KCNIP4: variants seen among roughly 807,000 people sequenced by gnomAD.
KCNIP4 encodes potassium voltage-gated channel interacting protein 4.
Under a neutral mutation model 34.0 loss-of-function variants are expected in KCNIP4, and 12 were observed. The ratio of observed to expected loss-of-function variants is 0.35; its 90% CI spans 0.23 to 0.57. KCNIP4 has a LOEUF of 0.57. Among genes scored for constraint, KCNIP4 ranks in the 20% least tolerant of loss-of-function variants. KCNIP4 has a pLI of 0.83. For missense variants in KCNIP4, 238 were observed against 311.7 expected (o/e 0.76, Z 1.78); for synonymous variants, 124 against 102.2 (o/e 1.21, Z -1.29).
chr4:21,304,412 ACT>A (rs956812193), intron 1 of KCNIP4: 4 of 152,316 alleles, frequency 2.6e-5, no homozygotes, highest in Admixed American at 2.6e-4. Context: ...GCGCCCCGGG[ACT>A]CTGCGCGCCG....
rs117354418 is a variant in KCNIP4, at chr4:21,755,633, T to C, written c.61+192938A>G. On this transcript the variant is annotated intron_variant, in intron 1 of 8. Transcript: ENST00000382152. ...AGGAGGTATAGTGGCACCCATACAT[T>C]TATTTAGACATAACTAATGGACTTC... Among the ~76,000 whole-genome samples the C allele has an allele frequency of 1.1e-4, 17 of 152,244 alleles. 1 individual carries two copies. In the East Asian group the frequency reaches 3.3e-3, roughly 29 times the overall value.
intron 1 of KCNIP4, among the ~76,000 whole-genome samples, chr4:21,269,569 C>G (rs1055807902): frequency 1.3e-5 from 2 of 151,942 alleles, no homozygotes; most frequent in Admixed American, 6.6e-5. Flanking sequence ...CCATGCCCAG[C>G]TAATTTTTGT....
chr4:21,426,485 A>G (rs1725939681), intron 1 of KCNIP4, among the ~76,000 whole-genome samples: 2 of 152,240 alleles, frequency 1.3e-5, no homozygotes. Flanking sequence ...TATTTAGACT[A>G]CACAGAAAGG....
chr4:21,381,653 T>G (rs1484231875), intron 1 of KCNIP4, among the ~76,000 whole-genome samples: 1 of 152,202 alleles, frequency 6.6e-6, no homozygotes, highest in Admixed American at 6.6e-5. Context: ...AAAAGCCAAC[T>G]TGGGCTTCAT....
At chr4:21,526,197 T>G (rs1378987538) in intron 1 of KCNIP4, among the ~76,000 whole-genome samples, 2 of 152,160 alleles carry the variant, frequency 1.3e-5, no homozygotes, top group Non-Finnish European at 2.9e-5. Context: ...ACATGGACCC[T>G]GTGGTAGGTA....
intron 1 of KCNIP4, among the ~76,000 whole-genome samples, chr4:21,501,397 T>C (rs908474635): frequency 6.6e-5 from 10 of 151,892 alleles, no homozygotes; most frequent in Admixed American, 6.6e-4. Flanking sequence ...TACTACCCTC[T>C]TACCTTTCAT....
chr4:21,457,734 C>T (rs1187326912), intron 1 of KCNIP4, among the ~76,000 whole-genome samples: 1 of 152,022 alleles, frequency 6.6e-6, no homozygotes, highest in Non-Finnish European at 1.5e-5. Flanking sequence ...AGTCCCAGAA[C>T]AGGGTCACTA....
chr4:21,144,871 A>G (rs1212243356), intron 1 of KCNIP4, among the ~76,000 whole-genome samples: 1 of 152,068 alleles, frequency 6.6e-6, no homozygotes. Flanking sequence ...TTCTGCTACT[A>G]TCATCTGAGT....
At chr4:21,494,498 A>G (rs28558494) in intron 1 of KCNIP4, among the ~76,000 whole-genome samples, 5,749 of 152,114 alleles carry the variant, frequency 0.038, 325 homozygotes, top group African/African-American at 0.12. Flanking sequence ...TAAGGTGCTG[A>G]GTGCGGTGGC....
chr4:21,204,689 A>T (rs1282710797), intron 1 of KCNIP4, among the ~76,000 whole-genome samples: 1 of 152,236 alleles, frequency 6.6e-6, no homozygotes, highest in East Asian at 1.9e-4. Flanking sequence ...TTTAAATATG[A>T]TAAAGTATAC....
chr4:21,046,481 G>A (rs1253030968), intron 1 of KCNIP4, among the ~76,000 whole-genome samples: 1 of 152,124 alleles, frequency 6.6e-6, no homozygotes, highest in Non-Finnish European at 1.5e-5. Context: ...GTGATAAATA[G>A]AGTAGAAGAA....
chr4:21,051,948 C>T (rs981330553), intron 1 of KCNIP4, among the ~76,000 whole-genome samples: 41 of 152,248 alleles, frequency 2.7e-4, no homozygotes, highest in African/African-American at 9.4e-4. Flanking sequence ...AGTTCAGGAG[C>T]ATTTTAGATT....
chr4:21,732,256 G>A (rs1398314465), intron 1 of KCNIP4, among the ~76,000 whole-genome samples: 1 of 151,872 alleles, frequency 6.6e-6, no homozygotes, highest in Non-Finnish European at 1.5e-5. Context: ...GACCTTTTCA[G>A]TGCTACGTGC....
intron 1 of KCNIP4, among the ~76,000 whole-genome samples, chr4:21,292,405 T>C (rs955463547): frequency 6.6e-6 from 1 of 152,210 alleles, no homozygotes; most frequent in African/African-American, 2.4e-5. Context: ...ATTTCTTGCT[T>C]TTTTCCCTAT....
Position 21,136,124 on chromosome 4 carries a change from A to G in KCNIP4, c.62-253415T>C, listed in dbSNP as rs545417532. On this transcript the variant is annotated intron_variant, in intron 1 of 8. Transcript: ENST00000382152. The stretch of plus-strand genomic sequence containing the variant: ...GACACTGGCTGTGTAATTTAAAGTA[A>G]TGTCTTAAATTTTCTGAGCCTTGAA... Among the ~76,000 whole-genome samples, 5 of 152,280 alleles carry G rather than the reference A, an allele frequency of 3.3e-5. No individual in the cohort carries two copies. The East Asian group carries it at 9.7e-4, about 29-fold the overall frequency.
intron 1 of KCNIP4, among the ~76,000 whole-genome samples, chr4:21,694,556 C>T (rs1236766738): frequency 1.3e-5 from 2 of 152,044 alleles, no homozygotes; most frequent in Non-Finnish European, 2.9e-5. Flanking sequence ...ATAGATGTAT[C>T]TTATTTTAGC....
chr4:20,950,120 A>AT (rs1219242011), intron 1 of KCNIP4, among the ~76,000 whole-genome samples: 1 of 113,036 alleles, frequency 8.8e-6, no homozygotes, highest in African/African-American at 3.5e-5. Context: ...AAATAAAAAT[A>AT]TTTTTTAAAT....
At chr4:21,925,154 T>C (rs1030756447) in intron 1 of KCNIP4, among the ~76,000 whole-genome samples, 1 of 152,168 alleles carries the variant, frequency 6.6e-6, no homozygotes, top group African/African-American at 2.4e-5. Flanking sequence ...TACATACGTA[T>C]ACATGTGCCA....
chr4:21,084,875 A>C (rs949840795), intron 1 of KCNIP4, among the ~76,000 whole-genome samples: 1 of 151,714 alleles, frequency 6.6e-6, no homozygotes, highest in African/African-American at 2.4e-5. Flanking sequence ...ATGCATGAAT[A>C]CATAAAGAAA....
Sources: gnomAD v4.1 joint callset for allele counts (sites outside exome capture counted in the v4.1 genomes callset) on GRCh38, gnomAD v4.1.1 for gene constraint, MANE v1.5 for transcripts, NCBI Gene and HGNC (gene_info 2026-07-23, HGNC 2026-07-21) for gene names.